Variants in METTL15 observed in about 807,000 individuals in gnomAD.
METTL15 encodes 12S rRNA N(4)-cytidine methyltransferase METTL15.
METTL15 carries 34 observed loss-of-function variants against 38.3 expected under a neutral mutation model. That is an observed-to-expected ratio of 0.89 (90% CI 0.68 to 1.18). The LOEUF (loss-of-function observed/expected upper bound fraction) is 1.18, where lower values mean the gene tolerates loss of function less well. Among genes scored for constraint, METTL15 ranks in the 50% most tolerant of loss-of-function variants. METTL15 has a pLI of 0.00. For missense variants in METTL15, 438 were observed against 498.4 expected (o/e 0.88, Z 1.15); for synonymous variants, 162 against 170.9 (o/e 0.95, Z 0.41).
intron 6 of METTL15, among the ~76,000 whole-genome samples, chr11:28,427,467 A>G (rs1234179782): frequency 6.6e-6 from 1 of 152,144 alleles, no homozygotes; most frequent in Non-Finnish European, 1.5e-5. Flanking sequence ...CAATTCTGTG[A>G]ATAATGTCAA....
At chr11:28,295,253 T>C (rs891683060) in intron 5 of METTL15, among the ~76,000 whole-genome samples, 3 of 152,160 alleles carry the variant, frequency 2.0e-5, no homozygotes, top group African/African-American at 7.2e-5. Flanking sequence ...TAAGAATTGT[T>C]ACTTTCATTT....
chr11:28,300,989 C>T (rs939627742), intron 6 of METTL15, among the ~76,000 whole-genome samples: 2 of 152,194 alleles, frequency 1.3e-5, no homozygotes, highest in South Asian at 2.1e-4. Flanking sequence ...CCGGTGAAGA[C>T]GAGCACATTT....
chr11:28,375,916 C>A (rs911431666), intron 5 of METTL15, among the ~76,000 whole-genome samples: 6 of 151,962 alleles, frequency 3.9e-5, no homozygotes, highest in South Asian at 2.1e-4. Flanking sequence ...GCCTTCATTT[C>A]GTTATGTACC....
intron 5 of METTL15, among the ~76,000 whole-genome samples, chr11:28,391,558 C>G (rs891855831): frequency 1.3e-5 from 2 of 152,122 alleles, no homozygotes; most frequent in Admixed American, 1.3e-4. Flanking sequence ...TACCTGACTT[C>G]AAATTGTACT....
In METTL15 at chr11:28,378,660, T is replaced by C. The variant is rs572614553; in HGVS notation, c.*358+16624T>C. On this transcript the variant is annotated intron_variant and NMD_transcript_variant, in intron 5 of 7. Coordinates refer to the METTL15 transcript ENST00000532947. ...AGCTGTAGACAGGAGCTGTTCCTATTCGGCCATCTTGGCTCCTCCACCTGT... is the reference window on the plus strand; with the variant it reads ...AGCTGTAGACAGGAGCTGTTCCTATCCGGCCATCTTGGCTCCTCCACCTGT... 2.0e-3 allele frequency among the ~76,000 whole-genome samples: 306 copies of C among 152,234 alleles called. 1 individual carries two copies. Among genetic ancestry groups the C allele is most frequent in the African/African-American group, 5.9e-3 (247 of 41,572 alleles).
At chr11:28,320,025 T>C (rs1487183761) in intron 6 of METTL15, among the ~76,000 whole-genome samples, 1 of 152,154 alleles carries the variant, frequency 6.6e-6, no homozygotes, top group Non-Finnish European at 1.5e-5. Flanking sequence ...TTAAGTATCA[T>C]TCTTTTCATT....
chr11:28,168,532 A>G (rs1850737961), intron 3 of METTL15, among the ~76,000 whole-genome samples: 2 of 151,652 alleles, frequency 1.3e-5, no homozygotes, highest in Admixed American at 1.3e-4. Context: ...TTAGTGACAT[A>G]TGTATACATG....
At chr11:28,156,529 A>C (rs1271298113) in intron 3 of METTL15, among the ~76,000 whole-genome samples, 1 of 152,104 alleles carries the variant, frequency 6.6e-6, no homozygotes, top group Non-Finnish European at 1.5e-5. Context: ...TTGCCCATAA[A>C]CATTTATGTC....
chr11:28,413,633 G>T (rs1364594966), intron 5 of METTL15, among the ~76,000 whole-genome samples: 1 of 152,098 alleles, frequency 6.6e-6, no homozygotes, highest in African/African-American at 2.4e-5. Flanking sequence ...GAAGAGAAAG[G>T]GTTGGTCAGA....
chr11:28,400,856 C>G (rs936503855), intron 5 of METTL15, among the ~76,000 whole-genome samples: 8 of 152,050 alleles, frequency 5.3e-5, no homozygotes, highest in Non-Finnish European at 1.2e-4. Flanking sequence ...CCTAACCAGC[C>G]TCAATCACCA....
At position 28,446,780 on chromosome 11, in the gene METTL15, T is replaced by C. The variant is rs376842758; in HGVS notation, c.*424+22416T>C. ...TTGTAAAGTACAAATTCAAAAATTA[T>C]AGATGAGTTAAAGAAAAGAAGAAAA... On this transcript the variant is annotated intron_variant and NMD_transcript_variant, in intron 6 of 7. Transcript: ENST00000532947. Among the ~76,000 whole-genome samples, 12 of 152,212 alleles carry C rather than the reference T, an allele frequency of 7.9e-5. No individual in the cohort carries two copies. In the South Asian group the frequency reaches 1.9e-3, roughly 24 times the overall value.
chr11:28,109,897 A>G (rs1299241821), intron 1 of METTL15, among the ~76,000 whole-genome samples: 2 of 152,196 alleles, frequency 1.3e-5, no homozygotes, highest in African/African-American at 2.4e-5. Flanking sequence ...TGACATTACA[A>G]TCAATCCCAC....
At chr11:28,139,468 C>T (rs940405185) in intron 3 of METTL15, among the ~76,000 whole-genome samples, 15 of 152,118 alleles carry the variant, frequency 9.9e-5, no homozygotes, top group African/African-American at 3.4e-4. Flanking sequence ...CCATGGGTGC[C>T]AATGTGGCTT....
intron 3 of METTL15, among the ~76,000 whole-genome samples, chr11:28,130,067 T>C: frequency 6.6e-6 from 1 of 152,152 alleles, no homozygotes; most frequent in East Asian, 1.9e-4. Flanking sequence ...CCCAGCCCTT[T>C]GAGAGGCTGT....
intron 6 of METTL15, among the ~76,000 whole-genome samples, chr11:28,453,225 T>C (rs1851138428): frequency 6.6e-6 from 1 of 152,224 alleles, no homozygotes; most frequent in African/African-American, 2.4e-5. Context: ...CTAAGTTTTT[T>C]CCTACTCAGT....
Position 28,181,259 on chromosome 11 carries a change from AT to A in METTL15, c.271-29789del, listed in dbSNP as rs71449171. 4.6e-3 allele frequency among the ~76,000 whole-genome samples: 612 copies of A among 133,778 alleles called. 7 individuals carry two copies. Among genetic ancestry groups the A allele is most frequent in the African/African-American group, 0.014 (524 of 37,148 alleles). The allele number at this position is 133,778 out of a possible 152,430, so 87.8% of individuals were successfully genotyped here. A position where few individuals can be genotyped will look rare whatever the true frequency, so the allele number is the denominator to read the frequency against. The stretch of plus-strand genomic sequence containing the variant: ...CGTTTATTTATTTATTTAATTTTTA[AT>A]TTTTTTTTTTTTTGTATTTTAAGTT... On this transcript the variant is annotated intron_variant, in intron 3 of 6. Coordinates refer to ENST00000407364, the MANE Select transcript of METTL15 (RefSeq NM_001113528.2).
intron 5 of METTL15, among the ~76,000 whole-genome samples, chr11:28,369,703 T>C (rs1202914012): frequency 1.3e-5 from 2 of 152,066 alleles, no homozygotes; most frequent in Non-Finnish European, 2.9e-5. Context: ...CTTTCAAAGA[T>C]GAAGGAGAAA....
intron 5 of METTL15, among the ~76,000 whole-genome samples, chr11:28,379,910 A>G (rs942483269): frequency 1.3e-5 from 2 of 151,834 alleles, no homozygotes; most frequent in African/African-American, 4.8e-5. Flanking sequence ...TTGTGTAGAT[A>G]TTTATAATTG....
At chr11:28,383,713 G>A (rs1850411826) in intron 5 of METTL15, among the ~76,000 whole-genome samples, 1 of 152,078 alleles carries the variant, frequency 6.6e-6, no homozygotes, top group Non-Finnish European at 1.5e-5. Context: ...CTAATGTTTA[G>A]TGATGTTGAG....
Sources: allele counts gnomAD v4.1 joint callset (sites outside exome capture counted in the v4.1 genomes callset), GRCh38; gene constraint gnomAD v4.1.1; transcripts MANE v1.5; gene names NCBI Gene and HGNC (gene_info 2026-07-23, HGNC 2026-07-21).